C1orf94: variants seen among roughly 807,000 people sequenced by gnomAD.
C1orf94 encodes the protein uncharacterized protein C1orf94.
A neutral mutation model predicts 53.6 loss-of-function variants in C1orf94; 45 were observed. The ratio of observed to expected loss-of-function variants is 0.84; its 90% CI spans 0.66 to 1.08. The LOEUF is 1.08. Ranked by LOEUF, C1orf94 falls within the 50% of genes least tolerant of loss-of-function variation. The pLI is 0.00. For synonymous variants in C1orf94, 304 were observed against 296.1 expected (o/e 1.03, Z -0.27); for missense variants, 762 against 738.9 (o/e 1.03, Z -0.36).
At chr1:34,168,368 C>T (rs949349053) in intron 1 of C1orf94, among the ~76,000 whole-genome samples, 3 of 151,758 alleles carry the variant, frequency 2.0e-5, no homozygotes, top group African/African-American at 7.3e-5. Context: ...GTATAGTGAG[C>T]ACAGGCAAGG....
rs538524431 is a variant in C1orf94, at chr1:34,212,124, A to G, written c.1525-86A>G. 1.4e-5 allele frequency: 17 copies of G among 1,250,054 alleles called. No individual in the cohort carries two copies. The South Asian group carries it at 2.3e-4, about 17-fold the overall frequency. 77.4% of individuals were successfully genotyped at this position (1,250,054 alleles called of 1,614,324 possible). On this transcript the variant is annotated intron_variant, in intron 5 of 6. Transcript: ENST00000488417. The stretch of plus-strand genomic sequence containing the variant: ...GTACCCAGCAGTGACTGAGGAGCAC[A>G]GGGGCTGAGACTGGGGGTGGGTGGC...
intron 2 of C1orf94, among the ~76,000 whole-genome samples, chr1:34,199,994 T>C (rs1642672522): frequency 6.6e-6 from 1 of 152,192 alleles, no homozygotes; most frequent in African/African-American, 2.4e-5. Flanking sequence ...TGCCACCTCA[T>C]GGTGTTCATC....
At chr1:34,204,090 C>T (rs115157731) in intron 4 of C1orf94, among the ~76,000 whole-genome samples, 1,926 of 152,306 alleles carry the variant, frequency 0.013, 36 homozygotes, top group Non-Finnish European at 0.021. Context: ...AGTGAGAAAG[C>T]AAAGAAGGAA....
chr1:34,168,669 T>G (rs2148607114), intron 1 of C1orf94, among the ~76,000 whole-genome samples: 1 of 152,336 alleles, frequency 6.6e-6, no homozygotes, highest in East Asian at 1.9e-4. Context: ...CTGAGGCTTC[T>G]CTCTCTGGCT....
At chr1:34,191,211 A>G (rs1771373) in intron 1 of C1orf94, among the ~76,000 whole-genome samples, 20,664 of 152,254 alleles carry the variant, frequency 0.14, 1,971 homozygotes, top group African/African-American at 0.27. Context: ...AATGGGGGCC[A>G]TTACTATAAT....
At chr1:34,202,458 C>A (rs1431485078) in intron 4 of C1orf94, among the ~76,000 whole-genome samples, 199 bp downstream of exon 4, 1 of 152,114 alleles carries the variant, frequency 6.6e-6, no homozygotes, top group Non-Finnish European at 1.5e-5. Context: ...ATTGTAGTCA[C>A]ATCAGATCTA....
chr1:34,209,285 A>AACACAC (rs59376155), intron 5 of C1orf94, among the ~76,000 whole-genome samples: 1,729 of 143,706 alleles, frequency 0.012, 17 homozygotes, highest in African/African-American at 0.031. Flanking sequence ...GAGAAATGCA[A>AACACAC]ACACACACAC....
intron 1 of C1orf94, among the ~76,000 whole-genome samples, chr1:34,179,420 T>C (rs1642280015): frequency 6.6e-6 from 1 of 152,254 alleles, no homozygotes; most frequent in Non-Finnish European, 1.5e-5. Context: ...AGAAGCTGAT[T>C]GTCCACTTTG....
At chr1:34,200,270 G>A (rs1642677807) in intron 2 of C1orf94, among the ~76,000 whole-genome samples, 2 of 152,238 alleles carry the variant, frequency 1.3e-5, no homozygotes, top group South Asian at 4.1e-4. Flanking sequence ...GGCAGGAACT[G>A]TGTCCACAAC....
chr1:34,188,068 A>G (rs1287330687), intron 1 of C1orf94, among the ~76,000 whole-genome samples: 1 of 152,168 alleles, frequency 6.6e-6, no homozygotes, highest in Admixed American at 6.5e-5. Flanking sequence ...AAGTGGAGAA[A>G]GAATAGCTGC....
chr1:34,211,894 A>G (rs1642895049), intron 5 of C1orf94, among the ~76,000 whole-genome samples: 2 of 152,276 alleles, frequency 1.3e-5, no homozygotes, highest in African/African-American at 4.8e-5. Flanking sequence ...AACAGGGAAG[A>G]GAATGGAAAT....
intron 6 of C1orf94, among the ~76,000 whole-genome samples, chr1:34,214,468 G>C (rs369310323): frequency 1.3e-5 from 2 of 152,156 alleles, no homozygotes; most frequent in African/African-American, 4.8e-5. Flanking sequence ...TCTAGAGGTG[G>C]CTCTAGGGGC....
intron 1 of C1orf94, among the ~76,000 whole-genome samples, chr1:34,192,774 G>A (rs1642513974): frequency 6.6e-6 from 1 of 152,190 alleles, no homozygotes; most frequent in African/African-American, 2.4e-5. Context: ...TGATGAGGAG[G>A]AGCCAGTCAA....
chr1:34,207,109 G>T (rs1557488359), intron 4 of C1orf94, among the ~76,000 whole-genome samples: 1 of 152,300 alleles, frequency 6.6e-6, no homozygotes, highest in East Asian at 1.9e-4. Context: ...GAGAATGGAG[G>T]CAGCCTCTCG....
intron 4 of C1orf94, among the ~76,000 whole-genome samples, chr1:34,207,717 G>A (rs1464262092): frequency 6.6e-6 from 1 of 152,180 alleles, no homozygotes; most frequent in Non-Finnish European, 1.5e-5. Context: ...TGTCTTCAGG[G>A]GGCAGGTATG....
At chr1:34,176,751 C>T (rs1162207891), upstream of C1orf94, among the ~76,000 whole-genome samples, 1 of 152,184 alleles carries the variant, frequency 6.6e-6, no homozygotes, top group Non-Finnish European at 1.5e-5. Context: ...TGCCGGGGGA[C>T]CCCCAGGCAG....
chr1:34,207,262 GGTGTGTGTGTGTGTGTGTGTGTGTGTGT>G (rs58794132), intron 4 of C1orf94, among the ~76,000 whole-genome samples: 16 of 147,452 alleles, frequency 1.1e-4, no homozygotes, highest in Admixed American at 5.4e-4. Context: ...AGTTCTGCGG[GGTGTGTGTGTGTGTGTGTGTGTGTGTGT>G]GTGTGTGTGT....
intron 2 of C1orf94, among the ~76,000 whole-genome samples, chr1:34,198,829 G>A (rs914622006): frequency 1.3e-5 from 2 of 152,238 alleles, no homozygotes; most frequent in African/African-American, 4.8e-5. Context: ...TGAACTCTGG[G>A]TCCTGGACAG....
At chr1:34,199,926 G>A (rs1169268341) in intron 2 of C1orf94, among the ~76,000 whole-genome samples, 2 of 152,152 alleles carry the variant, frequency 1.3e-5, no homozygotes, top group East Asian at 3.9e-4. Flanking sequence ...CTTCCTTCTG[G>A]AAGGAACCTT....
Sources: gnomAD v4.1 joint callset for allele counts (sites outside exome capture counted in the v4.1 genomes callset) on GRCh38, gnomAD v4.1.1 for gene constraint, MANE v1.5 for transcripts, NCBI Gene and HGNC (gene_info 2026-07-23, HGNC 2026-07-21) for gene names.